The following BRPF3 variants were observed in gnomAD, a reference collection of about 807,000 sequenced individuals.
BRPF3 encodes the protein bromodomain and PHD finger-containing protein 3.
A neutral mutation model predicts 102.0 loss-of-function variants in BRPF3; 18 were observed. That is an observed-to-expected ratio of 0.18 (90% CI 0.12 to 0.26). The LOEUF is 0.26. BRPF3 is among the 10% of genes least tolerant of loss of function. BRPF3 has a pLI of 1.00. For synonymous variants in BRPF3, 570 were observed against 614.2 expected, an observed-to-expected ratio of 0.93 and a Z score of 1.06; for missense variants, 1,147 against 1,567.8, an observed-to-expected ratio of 0.73 and a Z score of 4.53.
Position 36,209,833 on chromosome 6 carries a change from A to G in BRPF3, c.1784A>G (p.Asn595Ser), listed in dbSNP as rs1266770099. ...ATGGAGCTGGAGCTGATGCCATTCA[A>G]TGTTCTGTTGAGGACAACACTGGAC... ...AAMELELMPF[N>S]VLLRTTLDLL... The change falls in exon 5 of 13, where the codon AAT becomes AGT. Residue 595 changes from asparagine (N) to serine (S), a missense_variant. Physicochemically the swap from Asn to Ser is conservative, Grantham distance 46. Transcript: ENST00000357641. 5.6e-6 allele frequency: 9 copies of G among 1,614,098 alleles called. No homozygotes were observed. The East Asian group carries it at 6.7e-5, about 12-fold the overall frequency.
chr6:36,224,314 C>T (rs1465482577), intron 10 of BRPF3, among the ~76,000 whole-genome samples: 2 of 152,172 alleles, frequency 1.3e-5, no homozygotes, highest in African/African-American at 4.8e-5. Context: ...TGGTCACCTG[C>T]CCATTCCAGT....
At chr6:36,203,995 C>T (rs1467939513) in intron 2 of BRPF3, among the ~76,000 whole-genome samples, 2 of 152,164 alleles carry the variant, frequency 1.3e-5, no homozygotes, top group African/African-American at 4.8e-5. Flanking sequence ...CCTTTTCCTC[C>T]CCCAAGGAGT....
chr6:36,218,006 T>C lies in BRPF3; in HGVS notation c.3079T>C (p.Cys1027Arg). Residue 1027 changes from cysteine to arginine, a missense_variant, in exon 9 of 13, where the codon TGC becomes CGC. By Grantham distance (180) the Cys-to-Arg change is radical. Around this residue, in one of 11 missense-constraint regions of BRPF3, gnomAD observed 379 missense variants for 426.3 expected, o/e 0.89. Transcript: ENST00000357641. Reference sequence around the variant, plus strand: ...CAGTGGTGGACTGGCATTTGAAGCTTGCAGGTAAGAACACATTCCCAAAGC... The same window carrying C: ...CAGTGGTGGACTGGCATTTGAAGCTCGCAGGTAAGAACACATTCCCAAAGC... ...GLSGGLAFEA[C>R]SGLTPPKRSR... The C allele has an allele frequency of 6.2e-7, 1 of 1,612,802 alleles. No individual in the cohort carries two copies. The highest frequency in any genetic ancestry group is 2.2e-5 in the East Asian group (1 of 44,706).
chr6:36,209,933 T>G lies in BRPF3; in HGVS notation c.1866+18T>G. On this transcript the variant is annotated intron_variant, in intron 5 of 12. Coordinates refer to ENST00000357641, the MANE Select transcript of BRPF3 (RefSeq NM_015695.3). ...TGAGTGAGGCAAGTTCCCCCTACTT[T>G]CCAAGTAGTAAATTCTTCTTGAACT... 1.9e-6 allele frequency: 3 copies of G among 1,613,336 alleles called. No homozygotes were observed. In the East Asian group the frequency reaches 6.7e-5, roughly 36 times the overall value.
intron 7 of BRPF3, among the ~76,000 whole-genome samples, chr6:36,212,915 T>G (rs978681099): frequency 1.3e-5 from 2 of 151,682 alleles, no homozygotes; most frequent in South Asian, 4.2e-4. Context: ...ATTGCGCCAC[T>G]GTAGTCCGCA....
intron 7 of BRPF3, among the ~76,000 whole-genome samples, chr6:36,211,995 G>A (rs752457055): frequency 2.6e-5 from 4 of 152,258 alleles, no homozygotes; most frequent in Non-Finnish European, 5.9e-5. Flanking sequence ...GTTAGGTTGG[G>A]GTGTGAGGTG....
intron 11 of BRPF3, among the ~76,000 whole-genome samples, chr6:36,226,015 C>A (rs1230227431): frequency 6.6e-6 from 1 of 152,190 alleles, no homozygotes; most frequent in African/African-American, 2.4e-5. Flanking sequence ...ATTAAACATT[C>A]TTCATCAACA....
At chr6:36,226,909 G>A (rs1384881763) in intron 11 of BRPF3, among the ~76,000 whole-genome samples, 5 of 152,248 alleles carry the variant, frequency 3.3e-5, no homozygotes, top group Admixed American at 6.5e-5. Flanking sequence ...CGGTGAAACC[G>A]CAGGACTCCC....
rs1168634660 is a variant in BRPF3, at chr6:36,210,934, G to C, written c.2180-324G>C. Among the ~76,000 whole-genome samples the C allele has an allele frequency of 6.6e-6, 1 of 152,200 alleles. No homozygotes were observed. Among genetic ancestry groups the C allele is most frequent in the South Asian group, 2.1e-4 (1 of 4,828 alleles). Reference sequence around the variant, plus strand: ...GAATTGCCTCTGAGCCCCACACGCTGCCTGTCCCTGCTCTCTGCTTCTCGA... The same window carrying C: ...GAATTGCCTCTGAGCCCCACACGCTCCCTGTCCCTGCTCTCTGCTTCTCGA... On this transcript the variant is annotated intron_variant, in intron 6 of 12. Transcript: ENST00000357641. This position sits in a 1 kb window ranked among gnomAD's most constrained non-coding sequence, Gnocchi z 4.7.
chr6:36,213,733 C>T (rs1286616659), intron 7 of BRPF3, 147 bp from the exon 8 acceptor site: 4 of 812,966 alleles, frequency 4.9e-6, no homozygotes, highest in Non-Finnish European at 7.7e-6. Flanking sequence ...ATCCTCCTTT[C>T]TCTTTGCTTC....
At position 36,230,342 on chromosome 6, in the gene BRPF3, G is replaced by C; in HGVS notation, c.3435-84G>C. On this transcript the variant is annotated intron_variant, in intron 12 of 12. Coordinates refer to ENST00000357641, the MANE Select transcript of BRPF3 (RefSeq NM_015695.3). This position sits in a 1 kb window ranked among gnomAD's most constrained non-coding sequence, Gnocchi z 5.4. ...CCTGTACCCTCTCCCTGGCTTTGCT[G>C]GTCCTGGCCAAGTGGGGCCACAGGA... 7.0e-7 allele frequency: 1 copy of C among 1,424,910 alleles called. No individual in the cohort carries two copies. The highest frequency in any genetic ancestry group is 9.7e-7 in the Non-Finnish European group (1 of 1,028,362). 88.3% of individuals were successfully genotyped at this position (1,424,910 alleles called of 1,614,324 possible).
intron 7 of BRPF3, among the ~76,000 whole-genome samples, chr6:36,212,757 T>A (rs1214443842): frequency 2.0e-5 from 3 of 151,606 alleles, no homozygotes; most frequent in Non-Finnish European, 4.4e-5. Flanking sequence ...ATCGAGACCA[T>A]CCTGGCTAAC....
In BRPF3 at chr6:36,230,645, C is replaced by T. The variant is rs1401842555; in HGVS notation, c.*36C>T. On this transcript the variant is annotated 3_prime_UTR_variant, in exon 13 of 13. Transcript: ENST00000357641. The surrounding 1 kb of genome is among the most constrained non-coding windows in gnomAD (Gnocchi z 5.4). Reference sequence around the variant, plus strand: ...GGGCCTGCATCCGCTTGCCCTGCCTCCATCCCGCAGGGCACAGAGAAGCCT... The same window carrying T: ...GGGCCTGCATCCGCTTGCCCTGCCTTCATCCCGCAGGGCACAGAGAAGCCT... 2 of 1,601,310 alleles carry T rather than the reference C, an allele frequency of 1.2e-6. No individual in the cohort carries two copies. Among genetic ancestry groups the T allele is most frequent in the Non-Finnish European group, 1.7e-6 (2 of 1,171,242 alleles).
In BRPF3 at chr6:36,200,675, G is replaced by A; in HGVS notation, c.353G>A (p.Ser118Asn). ...ACTTCCTTCCACCTCCCACAGCCCAGCTTCCGTATGGTGGACTCAGGCATC... is the reference window on the plus strand; with the variant it reads ...ACTTCCTTCCACCTCCCACAGCCCAACTTCCGTATGGTGGACTCAGGCATC... Reference protein sequence around the residue: ...SGTSFHLPQPSFRMVDSGIQP... With the variant: ...SGTSFHLPQPNFRMVDSGIQP... Residue 118 changes from serine to asparagine, a missense_variant, in exon 2 of 13, where the codon AGC (serine) becomes AAC (asparagine). Ser to Asn is a conservative substitution (Grantham distance 46). Around this residue, in one of 11 missense-constraint regions of BRPF3, gnomAD observed 221 missense variants for 337.1 expected, o/e 0.66. Coordinates refer to ENST00000357641, the MANE Select transcript of BRPF3 (RefSeq NM_015695.3). This position sits in a 1 kb window ranked among gnomAD's most constrained non-coding sequence, Gnocchi z 5.3. The A allele has an allele frequency of 1.2e-6, 2 of 1,614,160 alleles. No individual in the cohort carries two copies. Among genetic ancestry groups the A allele is most frequent in the Non-Finnish European group, 1.7e-6 (2 of 1,180,020 alleles).
chr6:36,224,505 C>A (rs1460630663), intron 10 of BRPF3, among the ~76,000 whole-genome samples: 2 of 152,242 alleles, frequency 1.3e-5, no homozygotes, highest in African/African-American at 4.8e-5. Context: ...GACTTGCAGA[C>A]TGCTTAGCTC....
chr6:36,214,314 C>T lies in BRPF3; in HGVS notation c.2917C>T (p.Arg973Trp), dbSNP rs148223802. 2.7e-4 allele frequency: 428 copies of T among 1,613,620 alleles called. 1 individual carries two copies. In the African/African-American group the frequency reaches 4.2e-3, roughly 16 times the overall value. ...CAGCATCGAGGAAGAGCGCCACTCC[C>T]GGAAGCGGCCAAGGAGCAGGAGCTG... is the stretch of plus-strand genomic sequence containing the variant. ...PASIEEERHSRKRPRSRSCSE... is the reference protein window; with the variant it reads ...PASIEEERHSWKRPRSRSCSE... The change falls in exon 8 of 13, where the codon CGG becomes TGG. Residue 973 changes from arginine to tryptophan, a missense_variant. Arg to Trp is a moderately radical substitution (Grantham distance 101). This residue lies in a region of BRPF3 where 379 missense variants were observed against 426.3 expected (regional missense o/e 0.89). Transcript: ENST00000357641.
rs140562388 is a variant in BRPF3, at chr6:36,225,299, G to C, written c.3214G>C (p.Gly1072Arg). ...CCTCCTGCTGCCCTTTGAAGACCGC[G>C]GAGACCTGGAGCCCTTGGAGCTGGT... ...RSLLLPFEDR[G>R]DLEPLELVWA... Residue 1072 changes from glycine (G) to arginine (R), a missense_variant, in exon 11 of 13, where the codon GGA becomes CGA. By Grantham distance (125) the Gly-to-Arg change is moderately radical (BLOSUM62 -2). Around this residue, in one of 11 missense-constraint regions of BRPF3, gnomAD observed 379 missense variants for 426.3 expected, o/e 0.89. Coordinates refer to ENST00000357641, the MANE Select transcript of BRPF3 (RefSeq NM_015695.3). 2 of 1,610,094 alleles carry C rather than the reference G, an allele frequency of 1.2e-6. No homozygotes were observed. Among genetic ancestry groups the C allele is most frequent in the Admixed American group, 1.7e-5 (1 of 60,024 alleles).
chr6:36,224,235 G>A (rs1768652544), intron 10 of BRPF3, among the ~76,000 whole-genome samples: 1 of 152,146 alleles, frequency 6.6e-6, no homozygotes, highest in African/African-American at 2.4e-5. Flanking sequence ...AAAAAGTGAG[G>A]TAGTAATATT....
intron 3 of BRPF3, among the ~76,000 whole-genome samples, chr6:36,205,337 T>G (rs1389042724): frequency 2.6e-5 from 4 of 152,250 alleles, no homozygotes; most frequent in African/African-American, 9.6e-5. Context: ...AACTCTTTAG[T>G]TCTTTCTCCC....
Sources: gnomAD v4.1 joint callset for allele counts (sites outside exome capture counted in the v4.1 genomes callset) on GRCh38, gnomAD v4.1.1 for gene constraint, gnomAD v4.1.1 regional missense constraint, Gnocchi (gnomAD v3.1) non-coding constraint, MANE v1.5 for transcripts, NCBI Gene and HGNC (gene_info 2026-07-23, HGNC 2026-07-21) for gene names.